EPN1: variants seen among roughly 807,000 people sequenced by gnomAD.
The protein encoded by EPN1 is epsin-1.
A neutral mutation model predicts 56.9 loss-of-function variants in EPN1; 25 were observed. The observed-to-expected ratio is 0.44, with a 90% CI of 0.32 to 0.61. The LOEUF is 0.61. Among genes scored for constraint, EPN1 ranks in the 20% least tolerant of loss-of-function variants. The pLI is 0.05. For synonymous variants in EPN1, 411 were observed against 361.8 expected, an observed-to-expected ratio of 1.14 and a Z score of -1.54; for missense variants, 785 against 823.7, an observed-to-expected ratio of 0.95 and a Z score of 0.58.
At position 55,689,003 on chromosome 19, in the gene EPN1, C is replaced by T. The variant is rs367933243; in HGVS notation, c.603+9C>T. Reference sequence around the variant, plus strand: ...AGGAGGAGGCCGACCAGGTACTGGGCGTGCAGCTGGGGCTGTCTGTCCGCC... The same window carrying T: ...AGGAGGAGGCCGACCAGGTACTGGGTGTGCAGCTGGGGCTGTCTGTCCGCC... On this transcript the variant is annotated intron_variant, in intron 4 of 10. Transcript: ENST00000270460. This position sits in a 1 kb window ranked among gnomAD's most constrained non-coding sequence, Gnocchi z 5.7. 67 of 1,589,136 alleles carry T rather than the reference C, an allele frequency of 4.2e-5. No homozygotes were observed. In the African/African-American group the frequency reaches 7.2e-4, roughly 17 times the overall value.
At position 55,692,995 on chromosome 19, in the gene EPN1, G is replaced by T; in HGVS notation, c.1222G>T (p.Asp408Tyr). Residue 408 changes from aspartate (D) to tyrosine (Y), a missense_variant, in exon 9 of 11, where the codon GAC becomes TAC. By Grantham distance (160) the Asp-to-Tyr change is radical. Transcript: ENST00000270460. ...GGAGCCCGACGAGTTCTCTGACTTT[G>T]ACCGACTCCGCACGGCACTGCCGAC... ...DTEPDEFSDF[D>Y]RLRTALPTSG... is the part of the protein sequence containing the mutation. 6.2e-7 allele frequency: 1 copy of T among 1,613,464 alleles called. No homozygotes were observed. The highest frequency in any genetic ancestry group is 8.5e-7 in the Non-Finnish European group (1 of 1,179,678).
At position 55,676,955 on chromosome 19, in the gene EPN1, T is replaced by C. The variant is rs1356523876; in HGVS notation, c.-102+1520T>C. 17 of 574,708 alleles carry C rather than the reference T, an allele frequency of 3.0e-5. No homozygotes were observed. The East Asian group carries it at 4.8e-4, about 16-fold the overall frequency. The allele number at this position is 574,708 out of a possible 1,614,324, so 35.6% of individuals were successfully genotyped here. A position where few individuals can be genotyped will look rare whatever the true frequency, so the allele number is the denominator to read the frequency against. On this transcript the variant is annotated intron_variant, in intron 1 of 10. Coordinates refer to ENST00000270460, the MANE Select transcript of EPN1 (RefSeq NM_001130072.2). ...TCTTCTCAGTCCCCTTCTCTGCATT[T>C]GTTACATCATCTCTTCATCTTAATG...
At chr19:55,693,573 G>A (rs1986720004) in intron 9 of EPN1, among the ~76,000 whole-genome samples, 1 of 152,200 alleles carries the variant, frequency 6.6e-6, no homozygotes, top group Admixed American at 6.5e-5. Flanking sequence ...TGAGTCCTGA[G>A]TGGCTCTTCG....
chr19:55,682,157 T>C (rs1371856218), intron 2 of EPN1, among the ~76,000 whole-genome samples: 1 of 152,234 alleles, frequency 6.6e-6, no homozygotes, highest in African/African-American at 2.4e-5. Context: ...AGAAGTTGTA[T>C]ACTAAGCACA....
At chr19:55,685,923 C>G (rs761853593) in intron 3 of EPN1, among the ~76,000 whole-genome samples, 15 of 152,240 alleles carry the variant, frequency 9.9e-5, no homozygotes, top group Non-Finnish European at 1.9e-4. Context: ...CCCATAGGCT[C>G]AGGGCCTGAG....
chr19:55,677,856 C>G (rs1600093548), intron 1 of EPN1: 2 of 1,276,018 alleles, frequency 1.6e-6, no homozygotes, highest in East Asian at 5.6e-5. Flanking sequence ...TTCCTGCCCT[C>G]CCTCTCCACT....
intron 3 of EPN1, among the ~76,000 whole-genome samples, chr19:55,687,634 C>T (rs904845070): frequency 3.9e-5 from 6 of 152,188 alleles, no homozygotes; most frequent in African/African-American, 1.4e-4. Flanking sequence ...GTGTGGTCCT[C>T]CCTGTGCGCT....
Position 55,692,011 on chromosome 19 carries a change from T to C in EPN1, c.1020T>C (p.Pro340=). The part of the protein sequence containing the change: ...SVDPWGGTPA[P]AAGEGPTPDP... The stretch of plus-strand genomic sequence containing the variant: ...ACCCTTGGGGTGGGACCCCAGCCCC[T>C]GCAGCTGGGGAGGGGCCCACGCCTG... The change falls in exon 7 of 11, where the codon CCT becomes CCC. Residue 340 remains proline, a synonymous_variant. Transcript: ENST00000270460. The C allele has an allele frequency of 4.1e-6, 6 of 1,476,118 alleles. No individual in the cohort carries two copies. The highest frequency in any genetic ancestry group is 5.4e-6 in the Non-Finnish European group (6 of 1,120,994). The allele number at this position is 1,476,118 out of a possible 1,614,324, so 91.4% of individuals were successfully genotyped here. A position where few individuals can be genotyped will look rare whatever the true frequency, so the allele number is the denominator to read the frequency against.
At position 55,705,827 on chromosome 19, in the gene EPN1, A is replaced by T. The variant is rs1297737520; in HGVS notation, c.*10471A>T. 1.7e-5 allele frequency: 2 copies of T among 118,228 alleles called. No individual in the cohort carries two copies. The highest frequency in any genetic ancestry group is 7.9e-5 in the African/African-American group (2 of 25,374). 7.3% of individuals were successfully genotyped at this position (118,228 alleles called of 1,614,324 possible). ...TTGTGGGATATATATATATATATAT[A>T]TTTAGAGTGTTGTGGGATATATATA... On this transcript the variant is annotated 3_prime_UTR_variant, in exon 11 of 11. Transcript: ENST00000270460.
In EPN1 at chr19:55,688,271, C is replaced by T. The variant is rs938267896; in HGVS notation, c.479-599C>T. On this transcript the variant is annotated intron_variant, in intron 3 of 10. Coordinates refer to ENST00000270460, the MANE Select transcript of EPN1 (RefSeq NM_001130072.2). ...GCTGAGAGGATGCTGCAGTGGAGGC[C>T]GGGGATATCTCAGCAGCCTCCTGGA... Among the ~76,000 whole-genome samples, 8 of 151,962 alleles carry T rather than the reference C, an allele frequency of 5.3e-5. No homozygotes were observed. The South Asian group carries it at 6.2e-4, about 12-fold the overall frequency.
intron 2 of EPN1, among the ~76,000 whole-genome samples, chr19:55,683,717 T>C (rs967098794): frequency 7.2e-5 from 11 of 152,250 alleles, no homozygotes; most frequent in African/African-American, 2.4e-4. Flanking sequence ...AGTTGATGTA[T>C]GCATTTCACT....
chr19:55,692,513 G>T, intron 7 of EPN1, 173 bp from the exon 8 acceptor site: 1 of 499,800 alleles, frequency 2.0e-6, no homozygotes, highest in Non-Finnish European at 3.5e-6. Flanking sequence ...GCAGAGCCTG[G>T]CAGAGAAGCC....
intron 2 of EPN1, among the ~76,000 whole-genome samples, chr19:55,684,307 T>A (rs1185160501): frequency 3.3e-5 from 5 of 152,102 alleles, no homozygotes; most frequent in African/African-American, 1.2e-4. Context: ...TCTGTGGCTC[T>A]GTGAAGGCCC....
Position 55,701,599 on chromosome 19 carries a change from A to C in EPN1, c.*6243A>C, listed in dbSNP as rs1392930517. On this transcript the variant is annotated 3_prime_UTR_variant, in exon 11 of 11. Transcript: ENST00000270460. ...TTCTCAGAAGGAGCTGACATTAATGAGAACTTCTCCCTGTTAGACCCTTAA... is the reference window on the plus strand; with the variant it reads ...TTCTCAGAAGGAGCTGACATTAATGCGAACTTCTCCCTGTTAGACCCTTAA... The C allele has an allele frequency of 6.6e-6, 1 of 152,158 alleles. No homozygotes were observed. The highest frequency in any genetic ancestry group is 1.5e-5 in the Non-Finnish European group (1 of 68,050). 9.4% of individuals were successfully genotyped at this position (152,158 alleles called of 1,614,324 possible).
intron 1 of EPN1, among the ~76,000 whole-genome samples, chr19:55,676,253 T>A (rs780472340): frequency 3.3e-5 from 5 of 152,246 alleles, no homozygotes; most frequent in Non-Finnish European, 7.3e-5. Context: ...GCTTAGAGAT[T>A]TTTACACAGT....
At position 55,697,040 on chromosome 19, in the gene EPN1, G is replaced by A. The variant is rs774847481; in HGVS notation, c.*1684G>A. The A allele has an allele frequency of 6.6e-6, 1 of 152,202 alleles. No homozygotes were observed. Among genetic ancestry groups the A allele is most frequent in the African/African-American group, 2.4e-5 (1 of 41,444 alleles). 9.4% of individuals were successfully genotyped at this position (152,202 alleles called of 1,614,324 possible). Reference sequence around the variant, plus strand: ...GCCGGTTCCAGATTCAGTTGCAGAGGAGCATCCCCCTTGCTTAGCCAGGGA... The same window carrying A: ...GCCGGTTCCAGATTCAGTTGCAGAGAAGCATCCCCCTTGCTTAGCCAGGGA... On this transcript the variant is annotated 3_prime_UTR_variant, in exon 11 of 11. Coordinates refer to ENST00000270460, the MANE Select transcript of EPN1 (RefSeq NM_001130072.2).
In EPN1 at chr19:55,689,780, A is replaced by C. The variant is rs530872693; in HGVS notation, c.679-87A>C. On this transcript the variant is annotated intron_variant, in intron 5 of 10. Coordinates refer to ENST00000270460, the MANE Select transcript of EPN1 (RefSeq NM_001130072.2). The surrounding 1 kb of genome is among the most constrained non-coding windows in gnomAD (Gnocchi z 5.7). ...CTTCAGCCGCTTTCGTTGGGGTGGGAGGGGTTGCTGGGGCTTCCAGGCTGA... is the reference window on the plus strand; with the variant it reads ...CTTCAGCCGCTTTCGTTGGGGTGGGCGGGGTTGCTGGGGCTTCCAGGCTGA... 2,716 of 1,228,634 alleles carry C rather than the reference A, an allele frequency of 2.2e-3. 30 individuals are homozygous for C. Among genetic ancestry groups the C allele is most frequent in the South Asian group, 0.014 (1,073 of 77,550 alleles). 76.1% of individuals were successfully genotyped at this position (1,228,634 alleles called of 1,614,324 possible). A position where few individuals can be genotyped will look rare whatever the true frequency, so the allele number is the denominator to read the frequency against.
intron 1 of EPN1, chr19:55,677,202 G>T (rs370256903): frequency 6.5e-6 from 10 of 1,534,098 alleles, no homozygotes; most frequent in Non-Finnish European, 8.8e-6. Flanking sequence ...CTGGAACCAG[G>T]CTGCTCCAGG....
At chr19:55,677,102 TA>T (rs930635691) in intron 1 of EPN1, 8 of 1,544,042 alleles carry the variant, frequency 5.2e-6, no homozygotes, top group Non-Finnish European at 7.0e-6. Context: ...CCGTCATCCC[TA>T]TCTCCCCTGG....
Sources: gnomAD v4.1 joint callset for allele counts (sites outside exome capture counted in the v4.1 genomes callset) on GRCh38, gnomAD v4.1.1 for gene constraint, Gnocchi (gnomAD v3.1) non-coding constraint, MANE v1.5 for transcripts, NCBI Gene and HGNC (gene_info 2026-07-23, HGNC 2026-07-21) for gene names.